The following HELZ2 variants were observed in gnomAD, a reference collection of about 807,000 sequenced individuals.
HELZ2 encodes the protein 3'-5' exoribonuclease HELZ2.
In HELZ2, 143 loss-of-function variants were observed where a neutral mutation model predicts 208.8. The ratio of observed to expected loss-of-function variants is 0.68; its 90% confidence interval spans 0.60 to 0.79. The LOEUF (loss-of-function observed/expected upper bound fraction) is 0.79. Ranked by LOEUF, HELZ2 falls within the 30% of genes least tolerant of loss-of-function variation. The pLI is 0.00. For missense variants in HELZ2, 3,690 were observed against 3,794.5 expected (o/e 0.97, Z 0.72); for synonymous variants, 1,705 against 1,693.7 (o/e 1.01, Z -0.16).
chr20:63,565,037 C>T lies in HELZ2; in HGVS notation c.3785G>A (p.Ser1262Asn). The change falls in exon 8 of 19, where the codon AGC (serine) becomes AAC (asparagine). Residue 1262 changes from serine (S) to asparagine (N), a missense_variant. This residue lies in a region of HELZ2 where 2,564 missense variants were observed against 2,580.5 expected (regional missense o/e 0.99). Coordinates refer to ENST00000467148, the Ensembl canonical transcript of HELZ2. ...GACAATTTGGACCCAGAAGAGCCGG[C>T]TGTGCCGGGCCTCGGCGGTGAGCCT... 1 of 1,572,258 alleles carries T rather than the reference C, an allele frequency of 6.4e-7. No homozygotes were observed. Among genetic ancestry groups the T allele is most frequent in the Non-Finnish European group, 8.6e-7 (1 of 1,157,380 alleles).
At chr20:63,559,341 G>T in exon 19 of HELZ2, 1 of 1,602,266 alleles carries the variant, frequency 6.2e-7, no homozygotes, top group Middle Eastern at 2.0e-4. Context: ...CTACGCCAGA[G>T]GGGGCAGCAG....
chr20:63,559,261 T>C, exon 19 of HELZ2: 1 of 1,572,302 alleles, frequency 6.4e-7, no homozygotes, highest in Non-Finnish European at 8.6e-7. Context: ...AAGGCATAGT[T>C]GGCCTCCTGC....
At chr20:63,568,878 C>T in exon 5 of HELZ2, 1 of 1,612,124 alleles carries the variant, frequency 6.2e-7, no homozygotes, top group Non-Finnish European at 8.5e-7. Context: ...TGGTCTGTGT[C>T]TGGCATCAGG....
In HELZ2 at chr20:63,561,556, C is replaced by T. The variant is rs553826610; in HGVS notation, c.6836+45G>A. The T allele has an allele frequency of 3.1e-4, 488 of 1,579,164 alleles. 4 individuals are homozygous for T. The Admixed American group carries it at 3.7e-3, about 12-fold the overall frequency. On this transcript the variant is annotated intron_variant, in intron 12 of 18. Transcript: ENST00000467148. ...ACCCACCTACACAGGACTGTCTGGA[C>T]AGCTCGGCCCCACTCCGCCCAAGCC...
chr20:63,573,857 C>A (rs1475503640), upstream of HELZ2, among the ~76,000 whole-genome samples: 2 of 152,116 alleles, frequency 1.3e-5, no homozygotes, highest in African/African-American at 4.8e-5. This position sits in a 1 kb window ranked among gnomAD's most constrained non-coding sequence, Gnocchi z 4.9. Context: ...TATGAGAACC[C>A]GGCACTCCCC....
chr20:63,563,016 G>T, exon 8 of HELZ2: 1 of 1,600,356 alleles, frequency 6.2e-7, no homozygotes, highest in East Asian at 2.3e-5. Flanking sequence ...TCCACGTCGC[G>T]GTACCGGTCC....
upstream of HELZ2, chr20:63,574,181 C>T (rs2083038016): frequency 6.6e-6 from 1 of 151,346 alleles, no homozygotes; most frequent in South Asian, 2.1e-4. Flanking sequence ...CCCCCGCGCT[C>T]ACCCTCCTGG....
chr20:63,570,589 A>C, exon 3 of HELZ2: 1 of 1,611,978 alleles, frequency 6.2e-7, no homozygotes. Context: ...GGTGACACGC[A>C]CTCCATCAAG....
chr20:63,563,363 G>T (rs762401203), exon 8 of HELZ2: 1 of 1,537,650 alleles, frequency 6.5e-7, no homozygotes, highest in Non-Finnish European at 8.7e-7. Flanking sequence ...CACGGCCAGG[G>T]TGTGTGGGTC....
upstream of HELZ2, chr20:63,574,132 G>A (rs2083037235): frequency 8.0e-6 from 1 of 125,740 alleles, no homozygotes; most frequent in Non-Finnish European, 1.6e-5. Context: ...TCCTGGAGCC[G>A]CCCCTGGACC....
In HELZ2 at chr20:63,561,891, TC is replaced by T. The variant is rs770422786; in HGVS notation, c.6622del (p.Glu2208ArgfsTer27). Reference sequence around the variant, plus strand: ...GATGCAGGGACCCCCCAGCCGCTTCTCCCCACGGGGGGGGCCTCCGGGCTGC... The same window carrying T: ...GATGCAGGGACCCCCCAGCCGCTTCTCCCACGGGGGGGGCCTCCGGGCTGC... On this transcript the variant is annotated frameshift_variant, in exon 11 of 19. Transcript: ENST00000467148. LOFTEE classifies it high-confidence loss of function. The T allele has an allele frequency of 6.3e-7, 1 of 1,577,284 alleles. No homozygotes were observed. The highest frequency in any genetic ancestry group is 2.3e-5 in the East Asian group (1 of 43,270).
At chr20:63,566,060 A>C in exon 8 of HELZ2, 1 of 1,589,464 alleles carries the variant, frequency 6.3e-7, no homozygotes, top group Non-Finnish European at 8.5e-7. Flanking sequence ...GCAGGCCCCG[A>C]AGGAGCAGAG....
exon 5 of HELZ2, chr20:63,568,755 G>A (rs749698180): frequency 1.9e-6 from 3 of 1,604,868 alleles, no homozygotes; most frequent in South Asian, 2.2e-5. Context: ...AGCAGCCACA[G>A]CGCCTGCTCT....
At chr20:63,563,665 G>C (rs1287488808) in exon 8 of HELZ2, 1 of 1,566,814 alleles carries the variant, frequency 6.4e-7, no homozygotes, top group Admixed American at 1.8e-5. Flanking sequence ...GCCGCTGATA[G>C]CTCTGGGCAA....
Position 63,560,925 on chromosome 20 carries a change from AC to A in HELZ2, c.7150del (p.Val2384PhefsTer61). ...CAGCTGCTTGTGGTCTCCGAGAAGA[AC>A]CACCTGGAGGAATAGGCAGGCCTGG... On this transcript the variant is annotated frameshift_variant, in exon 15 of 19. Transcript: ENST00000467148. LOFTEE classifies it high-confidence loss of function. 6.2e-7 allele frequency: 1 copy of A among 1,612,632 alleles called. No homozygotes were observed. The highest frequency in any genetic ancestry group is 8.5e-7 in the Non-Finnish European group (1 of 1,179,768).
In HELZ2 at chr20:63,564,942, C is replaced by T. The variant is rs1415630635; in HGVS notation, c.3880G>A (p.Glu1294Lys). ...AGGCCGAGGATGCGGAGGCCCTGCTCCCAGGTGCTGGCCTCAGGCAGCACC... is the reference window on the plus strand; with the variant it reads ...AGGCCGAGGATGCGGAGGCCCTGCTTCCAGGTGCTGGCCTCAGGCAGCACC... The change falls in exon 8 of 19, where the codon GAG becomes AAG. Residue 1294 changes from glutamate to lysine, a missense_variant. Coordinates refer to ENST00000467148, the Ensembl canonical transcript of HELZ2. 1.2e-6 allele frequency: 2 copies of T among 1,610,194 alleles called. No individual in the cohort carries two copies. The highest frequency in any genetic ancestry group is 2.7e-5 in the African/African-American group (2 of 74,898).
intron 9 of HELZ2, 26 bp from the exon 11 acceptor site, chr20:63,562,229 A>G (rs1190623552): frequency 6.2e-7 from 1 of 1,604,990 alleles, no homozygotes; most frequent in Non-Finnish European, 8.5e-7. Context: ...CTCCCTGAGC[A>G]CTCATGCAGG....
chr20:63,572,102 C>G lies in HELZ2; in HGVS notation c.278+6G>C. The G allele has an allele frequency of 6.2e-7, 1 of 1,604,880 alleles. No individual in the cohort carries two copies. Among genetic ancestry groups the G allele is most frequent in the East Asian group, 2.2e-5 (1 of 44,702 alleles). ...TACTCCAAGCTCCTGCCTCGAGTAT[C>G]CTTACTTTGGGCAGAGCTCGAACTT... On this transcript the variant is annotated splice_donor_region_variant and intron_variant, in intron 1 of 18. Transcript: ENST00000467148.
exon 6 of HELZ2, chr20:63,566,882 C>G: frequency 6.2e-7 from 1 of 1,606,404 alleles, no homozygotes; most frequent in Non-Finnish European, 8.5e-7. Context: ...CACCTCTGCT[C>G]GCGGCCGCCC....
Sources: allele counts gnomAD v4.1 joint callset (sites outside exome capture counted in the v4.1 genomes callset), GRCh38; gene constraint gnomAD v4.1.1; regional missense constraint gnomAD v4.1.1; non-coding constraint Gnocchi (gnomAD v3.1); transcripts MANE v1.5; gene names NCBI Gene and HGNC (gene_info 2026-07-23, HGNC 2026-07-21).